ACOT12: variants seen among roughly 807,000 people sequenced by gnomAD.
The protein encoded by ACOT12 is acetyl-coenzyme A thioesterase.
In ACOT12, 51 loss-of-function variants were observed where a neutral mutation model predicts 67.7. The ratio of observed to expected loss-of-function variants is 0.75; its 90% CI spans 0.60 to 0.95. The LOEUF is 0.95. Ranked by LOEUF, ACOT12 falls within the 40% of genes least tolerant of loss-of-function variation. The pLI is 0.00. For missense variants in ACOT12, 734 were observed against 708.1 expected (o/e 1.04, Z -0.41); for synonymous variants, 251 against 244.6 (o/e 1.03, Z -0.24).
intron 5 of ACOT12, 121 bp downstream of exon 5, chr5:81,359,782 G>T: frequency 9.1e-7 from 1 of 1,096,502 alleles, no homozygotes. Context: ...TGTTGGAAAG[G>T]ATACCTAGTG....
chr5:81,357,505 C>T (rs1580559637), intron 5 of ACOT12, among the ~76,000 whole-genome samples: 1 of 151,954 alleles, frequency 6.6e-6, no homozygotes, highest in East Asian at 1.9e-4. Flanking sequence ...CACACACACA[C>T]TCCATCTAGC....
intron 12 of ACOT12, among the ~76,000 whole-genome samples, chr5:81,335,379 A>T (rs1469252365): frequency 6.6e-6 from 1 of 152,068 alleles, no homozygotes; most frequent in African/African-American, 2.4e-5. Flanking sequence ...TTTTTATTTT[A>T]ATTTTTGACA....
At chr5:81,352,648 T>C (rs1213596880) in intron 5 of ACOT12, among the ~76,000 whole-genome samples, 2 of 152,004 alleles carry the variant, frequency 1.3e-5, no homozygotes, top group Admixed American at 6.6e-5. Flanking sequence ...GGTACAAAAA[T>C]ATAGTTAGAA....
the ACOT12 span, among the ~76,000 whole-genome samples, chr5:81,314,461 A>G: frequency 6.6e-6 from 1 of 152,188 alleles, no homozygotes; most frequent in African/African-American, 2.4e-5. Flanking sequence ...TTAGAAATAA[A>G]CTGCAGGTAC....
At chr5:81,381,929 C>T (rs965302731) in intron 2 of ACOT12, among the ~76,000 whole-genome samples, 1 of 152,094 alleles carries the variant, frequency 6.6e-6, no homozygotes, top group Non-Finnish European at 1.5e-5. Flanking sequence ...AGATGAGATA[C>T]AGTTTGAGAA....
chr5:81,332,654 G>T, intron 12 of ACOT12, 49 bp from the exon 13 acceptor site: 1 of 1,604,832 alleles, frequency 6.2e-7, no homozygotes. Context: ...ACCTGCTCAG[G>T]CATTCACTTC....
chr5:81,321,594 A>G, the ACOT12 span, among the ~76,000 whole-genome samples: 1 of 152,242 alleles, frequency 6.6e-6, no homozygotes, highest in African/African-American at 2.4e-5. Context: ...AGTAACCAAT[A>G]GAAACTTCTA....
intron 6 of ACOT12, 146 bp from the exon 7 acceptor site, chr5:81,346,150 C>G: frequency 1.6e-6 from 2 of 1,240,368 alleles, no homozygotes; most frequent in Non-Finnish European, 2.2e-6. Flanking sequence ...TAGGTCTGCA[C>G]GCTACCTGCC....
chr5:81,345,584 T>C (rs1759354681), intron 7 of ACOT12, among the ~76,000 whole-genome samples: 1 of 152,082 alleles, frequency 6.6e-6, no homozygotes, highest in African/African-American at 2.4e-5. Context: ...ATCTAGTCAC[T>C]GGGACTGAAA....
At chr5:81,354,372 A>C (rs1364580745) in intron 5 of ACOT12, among the ~76,000 whole-genome samples, 19 of 152,320 alleles carry the variant, frequency 1.2e-4, no homozygotes, top group African/African-American at 4.6e-4. Flanking sequence ...CAGTATTCAA[A>C]GTACTGTTAG....
chr5:81,321,161 G>C, the ACOT12 span, among the ~76,000 whole-genome samples: 1 of 152,150 alleles, frequency 6.6e-6, no homozygotes, highest in Non-Finnish European at 1.5e-5. Flanking sequence ...GAAGCTGGGG[G>C]AAAAGGATTG....
At chr5:81,382,078 A>G (rs938945316) in intron 2 of ACOT12, among the ~76,000 whole-genome samples, 24 of 152,234 alleles carry the variant, frequency 1.6e-4, no homozygotes, top group African/African-American at 5.8e-4. Context: ...AAATATCATG[A>G]TATTCAGCAT....
intron 13 of ACOT12, among the ~76,000 whole-genome samples, chr5:81,331,521 A>G (rs1370657867): frequency 6.6e-6 from 1 of 152,242 alleles, no homozygotes; most frequent in Non-Finnish European, 1.5e-5. Flanking sequence ...TGGGCAACAC[A>G]TCATCTAAAA....
intron 5 of ACOT12, among the ~76,000 whole-genome samples, chr5:81,352,182 T>G (rs997124543): frequency 6.6e-6 from 1 of 152,214 alleles, no homozygotes; most frequent in Non-Finnish European, 1.5e-5. Context: ...ACAACCCCTA[T>G]GAAGAACAGT....
the ACOT12 span, among the ~76,000 whole-genome samples, chr5:81,323,083 G>GAAAAAAAA: frequency 2.9e-5 from 3 of 104,072 alleles, no homozygotes; most frequent in Admixed American, 9.5e-5. Flanking sequence ...ATAGCAAAAA[G>GAAAAAAAA]AAAAAAAAAA....
At position 81,345,002 on chromosome 5, in the gene ACOT12, C is replaced by T. The variant is rs771679203; in HGVS notation, c.813G>A (p.Gln271=). The change falls in exon 8 of 15, where the codon CAG becomes CAA. Residue 271 remains glutamine, a synonymous_variant. Coordinates refer to ENST00000307624, the MANE Select transcript of ACOT12 (RefSeq NM_130767.3). ...VGVRVEAFDC[Q]EWAEGRGRHI... ...GACGCCCTCGGCCCTCGGCCCATTC[C>T]TGACAGTCAAAGGCCTCCACGCGAA... 18 of 1,614,042 alleles carry T rather than the reference C, an allele frequency of 1.1e-5. No individual in the cohort carries two copies. The highest frequency in any genetic ancestry group is 1.6e-4 in the Middle Eastern group (1 of 6,062).
intron 11 of ACOT12, among the ~76,000 whole-genome samples, chr5:81,342,142 T>A (rs1421379906): frequency 6.6e-6 from 1 of 152,178 alleles, no homozygotes; most frequent in African/African-American, 2.4e-5. Flanking sequence ...AAGTGTCTGC[T>A]ACCACAGCCG....
At chr5:81,308,616 T>C in the ACOT12 span, 1 of 1,613,766 alleles carries the variant, frequency 6.2e-7, no homozygotes, top group Non-Finnish European at 8.5e-7. Flanking sequence ...CCCGCCGCCC[T>C]TGAAAATCAA....
chr5:81,330,984 A>G, intron 13 of ACOT12, 44 bp from the exon 14 acceptor site: 2 of 1,527,334 alleles, frequency 1.3e-6, no homozygotes, highest in Non-Finnish European at 1.8e-6. Context: ...AATAAAGAAT[A>G]GTTGTTAGAA....
Sources: allele counts gnomAD v4.1 joint callset (sites outside exome capture counted in the v4.1 genomes callset), GRCh38; gene constraint gnomAD v4.1.1; transcripts MANE v1.5; gene names NCBI Gene and HGNC (gene_info 2026-07-23, HGNC 2026-07-21).